SYNGR1: variants seen among roughly 807,000 people sequenced by gnomAD.
SYNGR1 encodes the protein synaptogyrin 1.
In SYNGR1, 14 loss-of-function variants were observed where a neutral mutation model predicts 26.1. That is an observed-to-expected ratio of 0.54 (90% CI 0.35 to 0.84). SYNGR1 has a LOEUF of 0.84. Among genes scored for constraint, SYNGR1 ranks in the 40% least tolerant of loss-of-function variants. The pLI is 0.01. For missense variants in SYNGR1, 319 were observed against 332.9 expected (o/e 0.96, Z 0.33); for synonymous variants, 141 against 150.1 (o/e 0.94, Z 0.44).
At chr22:39,357,617 GCC>G in intron 1 of SYNGR1, among the ~76,000 whole-genome samples, 1 of 145,392 alleles carries the variant, frequency 6.9e-6, no homozygotes, top group Non-Finnish European at 1.5e-5. Flanking sequence ...GGCTTGGCGG[GCC>G]CCGCCCTCGG....
chr22:39,351,016 GGGT>G (rs1923883489), intron 1 of SYNGR1, among the ~76,000 whole-genome samples: 4 of 152,178 alleles, frequency 2.6e-5, no homozygotes, highest in Non-Finnish European at 5.9e-5. Flanking sequence ...GGGAGAGGAT[GGGT>G]CAGAGACAGT....
At chr22:39,377,702 T>G (rs370771552) in intron 3 of SYNGR1, 4 of 1,612,720 alleles carry the variant, frequency 2.5e-6, no homozygotes, top group Non-Finnish European at 3.4e-6. Flanking sequence ...CCTCCCCGGC[T>G]TGCAGAGGCC....
rs564161877 is a variant in SYNGR1, at chr22:39,353,158, G to A, written c.99+3049G>A. 6.6e-4 allele frequency among the ~76,000 whole-genome samples: 101 copies of A among 152,188 alleles called. 1 individual carries two copies. The South Asian group carries it at 0.011, about 17-fold the overall frequency. On this transcript the variant is annotated intron_variant, in intron 1 of 3. Transcript: ENST00000328933. ...ATTACAGGCGTGAGCCACCGCACCC[G>A]GCCTGGACCTGGGATTTTTGTAAAA...
chr22:39,380,802 G>A (rs1569184183), intron 3 of SYNGR1, among the ~76,000 whole-genome samples: 1 of 151,754 alleles, frequency 6.6e-6, no homozygotes, highest in Non-Finnish European at 1.5e-5. Context: ...TTAATTTTCA[G>A]TAGAGATGGG....
At chr22:39,364,855 G>A (rs931416002) in intron 1 of SYNGR1, among the ~76,000 whole-genome samples, 1 of 152,124 alleles carries the variant, frequency 6.6e-6, no homozygotes. Flanking sequence ...CCAAGATTCT[G>A]AGATTCCTTC....
chr22:39,377,722 G>A (rs750472442), intron 3 of SYNGR1: 7 of 1,608,878 alleles, frequency 4.4e-6, no homozygotes, highest in East Asian at 4.5e-5. Flanking sequence ...CGGCAGCCCT[G>A]TATCACCCCT....
intron 1 of SYNGR1, among the ~76,000 whole-genome samples, chr22:39,363,465 G>A (rs1033705161): frequency 3.3e-5 from 5 of 152,036 alleles, no homozygotes; most frequent in East Asian, 1.9e-4. Flanking sequence ...CAGCTGGCCC[G>A]AATGTCAGAC....
At chr22:39,376,888 A>G (rs1925308038) in intron 3 of SYNGR1, 5 of 1,490,980 alleles carry the variant, frequency 3.4e-6, no homozygotes, top group East Asian at 2.5e-5. Context: ...TTTAAACAAT[A>G]TATTGTGTGT....
At position 39,364,919 on chromosome 22, in the gene SYNGR1, C is replaced by T. The variant is rs560077626; in HGVS notation, c.100-9397C>T. 4.6e-5 allele frequency among the ~76,000 whole-genome samples: 7 copies of T among 152,210 alleles called. No individual in the cohort carries two copies. In the East Asian group the frequency reaches 1.2e-3, roughly 25 times the overall value. On this transcript the variant is annotated intron_variant, in intron 1 of 3. Transcript: ENST00000328933. The stretch of plus-strand genomic sequence containing the variant: ...TCTCCACCAAGCGCCATCTGGAATC[C>T]GTTTTTAAAAAAGACTCGGGATTGG...
intron 1 of SYNGR1, among the ~76,000 whole-genome samples, chr22:39,367,421 G>A (rs1330310569): frequency 6.6e-6 from 1 of 152,174 alleles, no homozygotes. Flanking sequence ...AAGGGGCCTG[G>A]GGCGTGCAAA....
rs760723102 is a variant in SYNGR1, at chr22:39,349,993, C to T, written c.-18C>T. The T allele has an allele frequency of 1.7e-6, 2 of 1,170,504 alleles. No homozygotes were observed. Among genetic ancestry groups the T allele is most frequent in the African/African-American group, 1.6e-5 (1 of 62,292 alleles). 72.5% of individuals were successfully genotyped at this position (1,170,504 alleles called of 1,614,324 possible). ...GCGGCGCGCGCCGAGCGGGGGGCAC[C>T]GCGCGGGTGCAGCCACGATGGAAGG... On this transcript the variant is annotated 5_prime_UTR_variant, in exon 1 of 4. Transcript: ENST00000328933.
intron 1 of SYNGR1, among the ~76,000 whole-genome samples, chr22:39,370,192 C>T (rs1032587714): frequency 1.3e-5 from 2 of 151,808 alleles, no homozygotes; most frequent in African/African-American, 4.8e-5. Flanking sequence ...AGTGCAGTGG[C>T]GAATCTCGGC....
intron 1 of SYNGR1, among the ~76,000 whole-genome samples, chr22:39,354,039 T>TC (rs1924034046): frequency 1.3e-5 from 2 of 152,132 alleles, no homozygotes; most frequent in Non-Finnish European, 2.9e-5. Context: ...ACTTTTTAAA[T>TC]TTTTAGTAGA....
Position 39,383,624 on chromosome 22 carries a change from C to G in SYNGR1, c.*1710C>G, listed in dbSNP as rs991575241. The G allele has an allele frequency of 6.5e-6, 1 of 152,784 alleles. No homozygotes were observed. Among genetic ancestry groups the G allele is most frequent in the Non-Finnish European group, 1.5e-5 (1 of 68,424 alleles). 9.5% of individuals were successfully genotyped at this position (152,784 alleles called of 1,614,324 possible). A position where few individuals can be genotyped will look rare whatever the true frequency, so the allele number is the denominator to read the frequency against. ...GCTGGGTGTTTTCACCACCATCCCC[C>G]CATCCCCCATCTAAGAATCCTAAGA... On this transcript the variant is annotated 3_prime_UTR_variant, in exon 4 of 4. Transcript: ENST00000328933.
At chr22:39,369,468 CCCTCCCGGCCTT>C (rs1340843238) in intron 1 of SYNGR1, among the ~76,000 whole-genome samples, 1 of 152,194 alleles carries the variant, frequency 6.6e-6, no homozygotes, top group Admixed American at 6.5e-5. Context: ...ACTGAAGCTA[CCCTCCCGGCCTT>C]CCTCCCTGCT....
At chr22:39,359,397 G>A (rs1215910442) in intron 1 of SYNGR1, among the ~76,000 whole-genome samples, 1 of 151,820 alleles carries the variant, frequency 6.6e-6, no homozygotes, top group East Asian at 1.9e-4. Context: ...CAAGGCAGGC[G>A]GATCACAAGG....
intron 1 of SYNGR1, chr22:39,364,110 C>G: frequency 1.9e-6 from 3 of 1,595,996 alleles, no homozygotes; most frequent in Non-Finnish European, 2.6e-6. Flanking sequence ...AGGGGAGATA[C>G]CATCTCCCCT....
Position 39,350,021 on chromosome 22 carries a change from G to T in SYNGR1, c.11G>T (p.Gly4Val). The change falls in exon 1 of 4, where the codon GGT (glycine) becomes GTT (valine). Residue 4 changes from glycine to valine, a missense_variant. By Grantham distance (109) the Gly-to-Val change is moderately radical (BLOSUM62 -3). Coordinates refer to ENST00000328933, the MANE Select transcript of SYNGR1 (RefSeq NM_004711.5). This position sits in a 1 kb window ranked among gnomAD's most constrained non-coding sequence, Gnocchi z 4.3. MEG[G>V]AYGAGKAGGA... ...GCGGGTGCAGCCACGATGGAAGGGG[G>T]TGCGTACGGAGCGGGCAAAGCCGGG... 1.5e-6 allele frequency: 2 copies of T among 1,366,982 alleles called. No individual in the cohort carries two copies. Among genetic ancestry groups the T allele is most frequent in the Non-Finnish European group, 9.6e-7 (1 of 1,040,634 alleles). The allele number at this position is 1,366,982 out of a possible 1,614,324, so 84.7% of individuals were successfully genotyped here.
intron 1 of SYNGR1, among the ~76,000 whole-genome samples, chr22:39,361,841 C>T (rs946699752): frequency 2.0e-5 from 3 of 152,086 alleles, no homozygotes; most frequent in Non-Finnish European, 4.4e-5. Flanking sequence ...TTGCTCCCCT[C>T]TCCCACCTCT....
Sources: gnomAD v4.1 joint callset for allele counts (sites outside exome capture counted in the v4.1 genomes callset) on GRCh38, gnomAD v4.1.1 for gene constraint, Gnocchi (gnomAD v3.1) non-coding constraint, MANE v1.5 for transcripts, NCBI Gene and HGNC (gene_info 2026-07-23, HGNC 2026-07-21) for gene names.